TEAD3: variants seen among roughly 807,000 people sequenced by gnomAD.
TEAD3 encodes the protein transcriptional enhancer factor TEF-5.
TEAD3 carries 15 observed loss-of-function variants against 55.6 expected under a neutral mutation model. The observed-to-expected ratio is 0.27, with a 90% CI of 0.18 to 0.42. The LOEUF (loss-of-function observed/expected upper bound fraction) is 0.42. Ranked by LOEUF, TEAD3 falls within the 10% of genes least tolerant of loss-of-function variation. TEAD3 has a pLI of 1.00. For synonymous variants in TEAD3, 210 were observed against 232.2 expected (o/e 0.90, Z 0.87); for missense variants, 407 against 576.8 (o/e 0.71, Z 3.01).
At position 35,496,074 on chromosome 6, in the gene TEAD3, C is replaced by A. The variant is rs1768641145; in HGVS notation, c.-50+824G>T. Reference sequence around the variant, plus strand: ...GCTGGAAAACAGATCCAGACCAGCGCTCCCAGCCCTCCCTCCCCTAGCAGG... The same window carrying A: ...GCTGGAAAACAGATCCAGACCAGCGATCCCAGCCCTCCCTCCCCTAGCAGG... On this transcript the variant is annotated intron_variant, in intron 1 of 12. Transcript: ENST00000639578. This position sits in a 1 kb window ranked among gnomAD's most constrained non-coding sequence, Gnocchi z 4.8. 2.6e-5 allele frequency among the ~76,000 whole-genome samples: 4 copies of A among 152,348 alleles called. No individual in the cohort carries two copies. The South Asian group carries it at 6.2e-4, about 24-fold the overall frequency.
chr6:35,494,457 G>A (rs1316659492), intron 1 of TEAD3, among the ~76,000 whole-genome samples: 1 of 152,182 alleles, frequency 6.6e-6, no homozygotes, highest in Non-Finnish European at 1.5e-5. Context: ...AACACCAGGA[G>A]GGGAGGGGAG....
rs1768514434 is a variant in TEAD3 at position 35,491,343 on chromosome 6, C to T, written c.-49-4632G>A. 6.6e-6 allele frequency among the ~76,000 whole-genome samples: 1 copy of T among 151,570 alleles called. No homozygotes were observed. On this transcript the variant is annotated intron_variant, in intron 1 of 12. Transcript: ENST00000639578. The surrounding 1 kb of genome is among the most constrained non-coding windows in gnomAD (Gnocchi z 4.4). ...ACCAACAAAGACCTAGAAAGAGACA[C>T]ACAGCAGAGAGGGGTAGACCAGAAA...
chr6:35,477,063 C>T (rs1223390681), intron 8 of TEAD3, among the ~76,000 whole-genome samples: 2 of 152,200 alleles, frequency 1.3e-5, no homozygotes, highest in Non-Finnish European at 2.9e-5. Flanking sequence ...TCAGGTGATC[C>T]ACCTGCCTCA....
downstream of TEAD3, chr6:35,474,831 C>T (rs999370029): frequency 2.8e-5 from 15 of 539,920 alleles, no homozygotes; most frequent in South Asian, 1.2e-4. Context: ...GCTGCCCCAC[C>T]GCTGAGCCCT....
rs1581725412 is a variant in TEAD3, at chr6:35,483,531, A to G, written c.267+1029T>C. Among the ~76,000 whole-genome samples, 1 of 151,948 alleles carries G rather than the reference A, an allele frequency of 6.6e-6. No individual in the cohort carries two copies. The highest frequency in any genetic ancestry group is 1.5e-5 in the Non-Finnish European group (1 of 67,984). ...TACATCATCATTTTTCTCCACTCCC[A>G]CCACCACTACCCTCATCCCAGGCCC... On this transcript the variant is annotated intron_variant, in intron 3 of 12. Coordinates refer to ENST00000639578, the Ensembl canonical transcript of TEAD3. This position sits in a 1 kb window ranked among gnomAD's most constrained non-coding sequence, Gnocchi z 4.5.
Position 35,475,760 on chromosome 6 carries a change from G to A in TEAD3, c.901-54C>T, listed in dbSNP as rs931829876. 37 of 1,527,776 alleles carry A rather than the reference G, an allele frequency of 2.4e-5. No individual in the cohort carries two copies. The highest frequency in any genetic ancestry group is 3.9e-5 in the South Asian group (3 of 77,208). 94.6% of individuals were successfully genotyped at this position (1,527,776 alleles called of 1,614,324 possible). A position where few individuals can be genotyped will look rare whatever the true frequency, so the allele number is the denominator to read the frequency against. ...GCTGGCAGAGACCAGAAGTATTCCC[G>A]CCACACCACATCAGAGTCCTGCCCA... On this transcript the variant is annotated intron_variant, in intron 10 of 12. Transcript: ENST00000639578. The surrounding 1 kb of genome is among the most constrained non-coding windows in gnomAD (Gnocchi z 5.4).
chr6:35,493,564 G>A (rs919737706), intron 1 of TEAD3, among the ~76,000 whole-genome samples: 3 of 152,190 alleles, frequency 2.0e-5, no homozygotes, highest in African/African-American at 7.2e-5. Context: ...GGCACATGTC[G>A]GATGGGGCCC....
rs1052320080 is a variant in TEAD3 at position 35,488,712 on chromosome 6, T to C, written c.-49-2001A>G. Among the ~76,000 whole-genome samples the C allele has an allele frequency of 7.2e-5, 11 of 152,096 alleles. No homozygotes were observed. Among genetic ancestry groups the C allele is most frequent in the African/African-American group, 2.4e-4 (10 of 41,406 alleles). On this transcript the variant is annotated intron_variant, in intron 1 of 12. Coordinates refer to ENST00000639578, the Ensembl canonical transcript of TEAD3. The surrounding 1 kb of genome is among the most constrained non-coding windows in gnomAD (Gnocchi z 4.2). ...CAGTTATTCGGTTATTTTTTTTCTT[T>C]TTTAAATTTTTTATTTGTTTTTTAT...
chr6:35,489,286 C>G (rs368211184), intron 1 of TEAD3, among the ~76,000 whole-genome samples: 81 of 152,232 alleles, frequency 5.3e-4, no homozygotes, highest in African/African-American at 1.9e-3. Context: ...ACCCAAGAAA[C>G]AGAGAAGTTA....
chr6:35,485,110 C>T lies in TEAD3; in HGVS notation c.203-486G>A, dbSNP rs189282004. ...GCCTGCCCCAGGTGGATGTCCTGCCCTTGCTCTGTCTTTACCCTGGTCAAG... is the reference window on the plus strand; with the variant it reads ...GCCTGCCCCAGGTGGATGTCCTGCCTTTGCTCTGTCTTTACCCTGGTCAAG... On this transcript the variant is annotated intron_variant, in intron 2 of 12. Coordinates refer to ENST00000639578, the Ensembl canonical transcript of TEAD3. The surrounding 1 kb of genome is among the most constrained non-coding windows in gnomAD (Gnocchi z 4.3). Among the ~76,000 whole-genome samples the T allele has an allele frequency of 6.6e-6, 1 of 152,312 alleles. No individual in the cohort carries two copies. The highest frequency in any genetic ancestry group is 2.4e-5 in the African/African-American group (1 of 41,558).
Position 35,486,129 on chromosome 6 carries a change from C to T in TEAD3, c.202+332G>A, listed in dbSNP as rs916964197. On this transcript the variant is annotated intron_variant, in intron 2 of 12. Coordinates refer to ENST00000639578, the Ensembl canonical transcript of TEAD3. This position sits in a 1 kb window ranked among gnomAD's most constrained non-coding sequence, Gnocchi z 7.3. ...CGGGCCTCCTTTCCACATCCTCCTCCGGGAAGGGACCCCGTTCCGGGCCTC... is the reference window on the plus strand; with the variant it reads ...CGGGCCTCCTTTCCACATCCTCCTCTGGGAAGGGACCCCGTTCCGGGCCTC... 6.6e-6 allele frequency among the ~76,000 whole-genome samples: 1 copy of T among 152,234 alleles called. No homozygotes were observed. Among genetic ancestry groups the T allele is most frequent in the Admixed American group, 6.5e-5 (1 of 15,292 alleles).
chr6:35,493,850 C>T (rs1343164800), intron 1 of TEAD3, among the ~76,000 whole-genome samples: 1 of 152,234 alleles, frequency 6.6e-6, no homozygotes, highest in Non-Finnish European at 1.5e-5. Flanking sequence ...ATCAGAGCCA[C>T]ACCCAGTGTC....
Position 35,483,617 on chromosome 6 carries a change from C to T in TEAD3, c.267+943G>A, listed in dbSNP as rs554337929. On this transcript the variant is annotated intron_variant, in intron 3 of 12. Coordinates refer to ENST00000639578, the Ensembl canonical transcript of TEAD3. This position sits in a 1 kb window ranked among gnomAD's most constrained non-coding sequence, Gnocchi z 4.5. The stretch of plus-strand genomic sequence containing the variant: ...AATGGCCAGCCTCTCTGTCTCCAGC[C>T]AGCCCTCTCTAATCCATTGTCCCGG... 6.0e-4 allele frequency among the ~76,000 whole-genome samples: 91 copies of T among 152,318 alleles called. No homozygotes were observed. Among genetic ancestry groups the T allele is most frequent in the African/African-American group, 2.1e-3 (88 of 41,558 alleles).
downstream of TEAD3, chr6:35,474,323 G>GGCTCC (rs1768097156): frequency 2.0e-5 from 3 of 152,932 alleles, no homozygotes; most frequent in South Asian, 6.2e-4. Context: ...CCCTCGATGA[G>GGCTCC]GCTCCACTCC....
chr6:35,478,710 C>T, intron 5 of TEAD3, 139 bp from the exon 6 acceptor site: 4 of 1,160,950 alleles, frequency 3.4e-6, no homozygotes, highest in Non-Finnish European at 4.7e-6. Flanking sequence ...GGATTCCAGC[C>T]CCAGCTCTGC....
Position 35,480,382 on chromosome 6 carries a change from C to A in TEAD3, c.268-260G>T. 3 of 1,613,664 alleles carry A rather than the reference C, an allele frequency of 1.9e-6. No homozygotes were observed. The highest frequency in any genetic ancestry group is 2.5e-6 in the Non-Finnish European group (3 of 1,179,774). Reference sequence around the variant, plus strand: ...CTGTATGTGGCTGGACACCTAGGGGCCGCCCCGCGCCCCGCCAGAGAGGAA... The same window carrying A: ...CTGTATGTGGCTGGACACCTAGGGGACGCCCCGCGCCCCGCCAGAGAGGAA... On this transcript the variant is annotated intron_variant, in intron 3 of 12. Transcript: ENST00000639578.
In TEAD3 at chr6:35,488,861, C is replaced by G. The variant is rs533465732; in HGVS notation, c.-49-2150G>C. Among the ~76,000 whole-genome samples the G allele has an allele frequency of 6.6e-6, 1 of 152,144 alleles. No homozygotes were observed. ...GCCTCAGACTCCCATGCAGCCTCCC[C>G]CCTCAGCATGGTGGCACGCACCTGT... On this transcript the variant is annotated intron_variant, in intron 1 of 12. Coordinates refer to ENST00000639578, the Ensembl canonical transcript of TEAD3. This position sits in a 1 kb window ranked among gnomAD's most constrained non-coding sequence, Gnocchi z 4.2.
rs1463897178 is a variant in TEAD3 at position 35,483,608 on chromosome 6, G to C, written c.267+952C>G. On this transcript the variant is annotated intron_variant, in intron 3 of 12. Coordinates refer to ENST00000639578, the Ensembl canonical transcript of TEAD3. The surrounding 1 kb of genome is among the most constrained non-coding windows in gnomAD (Gnocchi z 4.5). ...TATGCCCGCAATGGCCAGCCTCTCTGTCTCCAGCCAGCCCTCTCTAATCCA... is the reference window on the plus strand; with the variant it reads ...TATGCCCGCAATGGCCAGCCTCTCTCTCTCCAGCCAGCCCTCTCTAATCCA... 1.3e-5 allele frequency among the ~76,000 whole-genome samples: 2 copies of C among 152,110 alleles called. No homozygotes were observed. Among genetic ancestry groups the C allele is most frequent in the Non-Finnish European group, 2.9e-5 (2 of 68,010 alleles).
At position 35,475,746 on chromosome 6, in the gene TEAD3, C is replaced by A; in HGVS notation, c.901-40G>T. 1 of 1,533,474 alleles carries A rather than the reference C, an allele frequency of 6.5e-7. No individual in the cohort carries two copies. Among genetic ancestry groups the A allele is most frequent in the Non-Finnish European group, 8.8e-7 (1 of 1,141,914 alleles). The allele number at this position is 1,533,474 out of a possible 1,614,324, so 95.0% of individuals were successfully genotyped here. ...GGGGGGTGTTAGGTGCTGGCAGAGA[C>A]CAGAAGTATTCCCGCCACACCACAT... On this transcript the variant is annotated intron_variant, in intron 10 of 12. Coordinates refer to ENST00000639578, the Ensembl canonical transcript of TEAD3. This position sits in a 1 kb window ranked among gnomAD's most constrained non-coding sequence, Gnocchi z 5.4.
Sources: gnomAD v4.1 joint callset for allele counts (sites outside exome capture counted in the v4.1 genomes callset) on GRCh38, gnomAD v4.1.1 for gene constraint, Gnocchi (gnomAD v3.1) non-coding constraint, MANE v1.5 for transcripts, NCBI Gene and HGNC (gene_info 2026-07-23, HGNC 2026-07-21) for gene names.